Variants in EXO1 observed in about 807,000 individuals in gnomAD.
EXO1 encodes exonuclease 1.
EXO1 carries 69 observed loss-of-function variants against 84.5 expected under a neutral mutation model. That is an observed-to-expected ratio of 0.82 (90% CI 0.67 to 1.00). The LOEUF (loss-of-function observed/expected upper bound fraction) is 1.00. Among genes scored for constraint, EXO1 ranks in the 50% least tolerant of loss-of-function variants. EXO1 has a pLI of 0.00. For synonymous variants in EXO1, 373 were observed against 366.1 expected (o/e 1.02, Z -0.21); for missense variants, 1,045 against 1,000.7 (o/e 1.04, Z -0.60).
chr1:241,871,033 T>C (rs541637611), intron 11 of EXO1, among the ~76,000 whole-genome samples: 2 of 152,274 alleles, frequency 1.3e-5, no homozygotes, highest in East Asian at 3.9e-4. Context: ...ATTCTAGATA[T>C]GCTTAATTTA....
intron 12 of EXO1, among the ~76,000 whole-genome samples, chr1:241,874,323 C>G (rs976202207): frequency 6.6e-6 from 1 of 152,134 alleles, no homozygotes. Flanking sequence ...TGCTTGAACC[C>G]GGGAGGAGGT....
intron 13 of EXO1, among the ~76,000 whole-genome samples, chr1:241,880,113 T>A (rs1662669561): frequency 6.6e-6 from 1 of 152,148 alleles, no homozygotes; most frequent in Non-Finnish European, 1.5e-5. Context: ...CATTTACTCT[T>A]CTTATTCCTT....
At chr1:241,887,864 C>G (rs1345072815) in intron 15 of EXO1, among the ~76,000 whole-genome samples, 1 of 152,058 alleles carries the variant, frequency 6.6e-6, no homozygotes, top group Non-Finnish European at 1.5e-5. Flanking sequence ...GTTTTGAACT[C>G]CTGACCTCAA....
At position 241,860,678 on chromosome 1, in the gene EXO1, T is replaced by A. The variant is rs1167552447; in HGVS notation, c.918T>A (p.Asp306Glu). 6.2e-7 allele frequency: 1 copy of A among 1,613,874 alleles called. No individual in the cohort carries two copies. Among genetic ancestry groups the A allele is most frequent in the African/African-American group, 1.3e-5 (1 of 74,934 alleles). ...TGAACGCCTATGAAGATGATGTTGA[T>A]CCTGAAACACTAAGCTACGCTGGGC... ...IPLNAYEDDVDPETLSYAGQY... is the reference protein window; with the variant it reads ...IPLNAYEDDVEPETLSYAGQY... Residue 306 changes from aspartate to glutamate, a missense_variant, in exon 9 of 16, where the codon GAT (aspartate) becomes GAA (glutamate). Coordinates refer to ENST00000366548, the MANE Select transcript of EXO1 (RefSeq NM_130398.4).
At chr1:241,855,652 T>C (rs1008774772) in intron 6 of EXO1, among the ~76,000 whole-genome samples, 2 of 152,094 alleles carry the variant, frequency 1.3e-5, no homozygotes, top group Non-Finnish European at 2.9e-5. Context: ...TTGGGGAGGC[T>C]CGGGCGGCAC....
At chr1:241,885,009 C>T (rs1288359775) in intron 14 of EXO1, among the ~76,000 whole-genome samples, 6 of 152,000 alleles carry the variant, frequency 3.9e-5, no homozygotes, top group African/African-American at 9.7e-5. Flanking sequence ...AGATCGAGAC[C>T]ATCCTGGCTA....
Position 241,878,715 on chromosome 1 carries a change from A to G in EXO1, c.1515-34A>G, listed in dbSNP as rs751645819. The G allele has an allele frequency of 1.3e-5, 17 of 1,339,184 alleles. No individual in the cohort carries two copies. The Middle Eastern group carries it at 2.2e-3, about 170-fold the overall frequency. 83.0% of individuals were successfully genotyped at this position (1,339,184 alleles called of 1,614,324 possible). The stretch of plus-strand genomic sequence containing the variant: ...CTTGAGAAAACTCTAAAATACTCAT[A>G]CTTACTTATTGTTTCTATTGCTTTT... On this transcript the variant is annotated intron_variant, in intron 12 of 15. Transcript: ENST00000366548.
intron 14 of EXO1, among the ~76,000 whole-genome samples, chr1:241,882,308 C>T (rs1662816309): frequency 6.6e-6 from 1 of 151,914 alleles, no homozygotes; most frequent in Non-Finnish European, 1.5e-5. Context: ...GTCATTTACC[C>T]TAAATTTTTT....
chr1:241,856,543 T>C (rs938480842), intron 6 of EXO1, among the ~76,000 whole-genome samples: 2 of 152,154 alleles, frequency 1.3e-5, no homozygotes, highest in East Asian at 1.9e-4. Context: ...TACACACATA[T>C]ACCTACGTAT....
intron 10 of EXO1, among the ~76,000 whole-genome samples, chr1:241,865,052 T>G (rs1661628270): frequency 6.9e-6 from 1 of 145,386 alleles, no homozygotes; most frequent in African/African-American, 2.6e-5. Context: ...TTTGTGTGTG[T>G]GGGGGGGGGG....
At chr1:241,871,887 T>A (rs1662106881) in intron 11 of EXO1, 145 bp from the exon 12 acceptor site, 1 of 622,358 alleles carries the variant, frequency 1.6e-6, no homozygotes, top group South Asian at 2.2e-5. Context: ...ATCCTTATCC[T>A]TATGTTTTCT....
intron 15 of EXO1, among the ~76,000 whole-genome samples, chr1:241,887,855 T>C (rs1205328146): frequency 1.3e-5 from 2 of 151,996 alleles, no homozygotes; most frequent in African/African-American, 2.4e-5. Flanking sequence ...GCCAGGCTGG[T>C]TTTGAACTCC....
intron 14 of EXO1, among the ~76,000 whole-genome samples, chr1:241,882,362 A>G (rs1662821834): frequency 6.6e-6 from 1 of 152,152 alleles, no homozygotes; most frequent in African/African-American, 2.4e-5. Flanking sequence ...GTGGATAAAT[A>G]TTTGAGGACA....
At chr1:241,874,942 T>A in intron 12 of EXO1, among the ~76,000 whole-genome samples, 1 of 152,178 alleles carries the variant, frequency 6.6e-6, no homozygotes, top group Admixed American at 6.5e-5. Flanking sequence ...AGTTACCAGC[T>A]CCTGTATTCC....
intron 11 of EXO1, among the ~76,000 whole-genome samples, chr1:241,870,314 T>C (rs1203500292): frequency 2.0e-5 from 3 of 152,208 alleles, no homozygotes; most frequent in Non-Finnish European, 4.4e-5. Flanking sequence ...GTTTAATTCC[T>C]ATTTCATGTA....
At chr1:241,850,255 G>C (rs948311244) in intron 3 of EXO1, among the ~76,000 whole-genome samples, 154 bp from the exon 4 acceptor site, 1 of 150,670 alleles carries the variant, frequency 6.6e-6, no homozygotes, top group Non-Finnish European at 1.5e-5. Context: ...AGTCCCTCCT[G>C]GGCGAAAGAG....
intron 15 of EXO1, among the ~76,000 whole-genome samples, chr1:241,886,810 T>A: frequency 6.6e-6 from 1 of 151,584 alleles, no homozygotes. Flanking sequence ...ATTTTCCAAA[T>A]CCCCCCAAAA....
chr1:241,858,281 A>G (rs1389419058), intron 7 of EXO1, among the ~76,000 whole-genome samples: 2 of 152,268 alleles, frequency 1.3e-5, no homozygotes, highest in Non-Finnish European at 2.9e-5. Context: ...GCTTTATACC[A>G]GAATTGTGAC....
At chr1:241,853,536 T>G in intron 6 of EXO1, 55 bp downstream of exon 6, 4 of 1,601,168 alleles carry the variant, frequency 2.5e-6, no homozygotes, top group Non-Finnish European at 3.4e-6. Flanking sequence ...AACTTGTTTA[T>G]TGATGGGAGA....
Sources: gnomAD v4.1 joint callset for allele counts (sites outside exome capture counted in the v4.1 genomes callset) on GRCh38, gnomAD v4.1.1 for gene constraint, MANE v1.5 for transcripts, NCBI Gene and HGNC (gene_info 2026-07-23, HGNC 2026-07-21) for gene names.